Variants in RNF32 observed in about 807,000 individuals in gnomAD.
The protein encoded by RNF32 is ring finger protein 32.
In RNF32, 36 loss-of-function variants were observed where a neutral mutation model predicts 41.0. The ratio of observed to expected loss-of-function variants is 0.88; its 90% CI spans 0.67 to 1.16. The LOEUF is 1.16. RNF32 is among the 50% of genes most tolerant of loss of function. The probability of loss-of-function intolerance (pLI) is 0.00; values close to 1 mark genes in which losing one functional copy is unlikely to be tolerated. For synonymous variants in RNF32, 154 were observed against 160.9 expected (o/e 0.96, Z 0.32); for missense variants, 413 against 436.7 (o/e 0.95, Z 0.48).
At chr7:156,648,302 C>T (rs987504876) in intron 3 of RNF32, among the ~76,000 whole-genome samples, 2 of 152,090 alleles carry the variant, frequency 1.3e-5, no homozygotes, top group Non-Finnish European at 2.9e-5. Context: ...TCCACAGCGA[C>T]GCCAGGGGAG....
intron 7 of RNF32, chr7:156,659,265 AG>A: frequency 9.7e-7 from 1 of 1,030,988 alleles, no homozygotes; most frequent in South Asian, 4.4e-5. Context: ...ATAATGGCCC[AG>A]CACACAGTAG....
intron 3 of RNF32, 82 bp downstream of exon 3, chr7:156,644,839 A>G: frequency 2.2e-6 from 3 of 1,367,912 alleles, no homozygotes; most frequent in South Asian, 1.3e-5. Flanking sequence ...TTTTTATGTT[A>G]CAGAAATAAC....
intron 7 of RNF32, among the ~76,000 whole-genome samples, chr7:156,673,165 C>G (rs1171485526): frequency 6.6e-6 from 1 of 152,164 alleles, no homozygotes; most frequent in Non-Finnish European, 1.5e-5. Flanking sequence ...TCAGAACATA[C>G]CTCACAAGTT....
chr7:156,658,019 C>T (rs1799992726), intron 5 of RNF32, 109 bp from the exon 6 acceptor site: 1 of 1,168,832 alleles, frequency 8.6e-7, no homozygotes, highest in Non-Finnish European at 1.2e-6. Context: ...GGCTAAGTCT[C>T]ATAGTTATGG....
intron 7 of RNF32, among the ~76,000 whole-genome samples, chr7:156,674,053 CCTT>C (rs1446150019): frequency 4.6e-5 from 7 of 152,268 alleles, no homozygotes; most frequent in Admixed American, 2.6e-4. Context: ...TTCATTTCAT[CCTT>C]CTTTGTGCTT....
At chr7:156,663,692 T>C (rs1800956276) in intron 7 of RNF32, among the ~76,000 whole-genome samples, 1 of 152,158 alleles carries the variant, frequency 6.6e-6, no homozygotes, top group Admixed American at 6.6e-5. Flanking sequence ...TCAAAATATA[T>C]AAATTTGGCA....
At chr7:156,653,793 T>C (rs981813844) in intron 3 of RNF32, among the ~76,000 whole-genome samples, 7 of 152,208 alleles carry the variant, frequency 4.6e-5, no homozygotes, top group African/African-American at 1.7e-4. Context: ...AACTTTATTC[T>C]GACCGTGATG....
intron 3 of RNF32, chr7:156,646,463 C>T (rs1797985295): frequency 7.7e-7 from 1 of 1,302,822 alleles, no homozygotes; most frequent in Non-Finnish European, 1.0e-6. Context: ...GGATACCATT[C>T]ATAGGATGTA....
intron 7 of RNF32, among the ~76,000 whole-genome samples, chr7:156,668,474 C>G (rs369888684): frequency 6.6e-6 from 1 of 152,142 alleles, no homozygotes; most frequent in Non-Finnish European, 1.5e-5. Flanking sequence ...TGAGGGGAGG[C>G]GGGTGGAGCC....
At chr7:156,644,415 G>C (rs1389344871) in intron 2 of RNF32, 84 bp from the exon 3 acceptor site, 1 of 1,038,192 alleles carries the variant, frequency 9.6e-7, no homozygotes, top group Non-Finnish European at 1.5e-6. Flanking sequence ...GTGCCATCAA[G>C]GTTGAGTATT....
Position 156,654,592 on chromosome 7 carries a change from C to T in RNF32, c.291C>T (p.Leu97=), listed in dbSNP as rs762351321. The change falls in exon 4 of 9, where the codon CTC becomes CTT. Residue 97 remains leucine, a synonymous_variant. Coordinates refer to ENST00000317955, the MANE Select transcript of RNF32 (RefSeq NM_030936.4). ...PPLTLAQKLG[L]IGPPPPPLSS... ...TTACTTTAGCACAGAAGTTGGGCCT[C>T]ATTGGGCCTCCACCACCTCCACTGT... is the stretch of plus-strand genomic sequence containing the variant. 15 of 1,613,960 alleles carry T rather than the reference C, an allele frequency of 9.3e-6. No individual in the cohort carries two copies. The African/African-American group carries it at 1.5e-4, about 16-fold the overall frequency.
At chr7:156,641,728 T>G (rs1797351143) in intron 1 of RNF32, among the ~76,000 whole-genome samples, 2 of 152,236 alleles carry the variant, frequency 1.3e-5, no homozygotes, top group South Asian at 2.1e-4. Context: ...TTTAGTGTGA[T>G]GCAAACTGTA....
intron 4 of RNF32, among the ~76,000 whole-genome samples, chr7:156,657,200 A>T (rs1799814624): frequency 6.6e-6 from 1 of 152,194 alleles, no homozygotes; most frequent in Non-Finnish European, 1.5e-5. Flanking sequence ...GCCCCACTGG[A>T]CAGGCCCCCC....
In RNF32 at chr7:156,654,638, G is replaced by A. The variant is rs890063383; in HGVS notation, c.337G>A (p.Val113Met). 1 of 1,614,180 alleles carries A rather than the reference G, an allele frequency of 6.2e-7. No homozygotes were observed. The highest frequency in any genetic ancestry group is 8.5e-7 in the Non-Finnish European group (1 of 1,180,006). The change falls in exon 4 of 9, where the codon GTG (valine) becomes ATG (methionine). Residue 113 changes from valine (V) to methionine (M), a missense_variant. By Grantham distance (21) the Val-to-Met change is conservative (BLOSUM62 1). Transcript: ENST00000317955. Reference sequence around the variant, plus strand: ...ACTGTCATCAGATGAATGGGAGAAGGTGAAACAGCGCTCTCTCCTGCAAGG... The same window carrying A: ...ACTGTCATCAGATGAATGGGAGAAGATGAAACAGCGCTCTCTCCTGCAAGG... ...PPLSSDEWEK[V>M]KQRSLLQGDS...
chr7:156,653,162 AG>A (rs1169778322), intron 3 of RNF32, among the ~76,000 whole-genome samples: 1 of 152,128 alleles, frequency 6.6e-6, no homozygotes, highest in Non-Finnish European at 1.5e-5. Flanking sequence ...TGCCCTACAC[AG>A]GTACACCATT....
chr7:156,645,323 G>A (rs1213634479), intron 3 of RNF32, among the ~76,000 whole-genome samples: 3 of 152,190 alleles, frequency 2.0e-5, no homozygotes, highest in Non-Finnish European at 2.9e-5. Flanking sequence ...CAGCAGTAAC[G>A]CACGGGCCAG....
rs910404758 is a variant in RNF32 at position 156,658,638 on chromosome 7, G to C, written c.684+68G>C. On this transcript the variant is annotated intron_variant, in intron 7 of 8. Transcript: ENST00000317955. Reference sequence around the variant, plus strand: ...GGGTGGTTCACTTGGGGTCAGGAAGGCTAACAGAGGTGGTAAAACTTTGAG... The same window carrying C: ...GGGTGGTTCACTTGGGGTCAGGAAGCCTAACAGAGGTGGTAAAACTTTGAG... 3.9e-6 allele frequency: 4 copies of C among 1,018,940 alleles called. No homozygotes were observed. The African/African-American group carries it at 6.4e-5, about 16-fold the overall frequency. The allele number at this position is 1,018,940 out of a possible 1,614,324, so 63.1% of individuals were successfully genotyped here.
intron 3 of RNF32, among the ~76,000 whole-genome samples, chr7:156,651,589 T>C (rs1169194713): frequency 6.6e-6 from 1 of 152,236 alleles, no homozygotes; most frequent in African/African-American, 2.4e-5. Flanking sequence ...CTCTTCTTAC[T>C]GCAGAAGATC....
chr7:156,676,605 G>A lies in RNF32; in HGVS notation c.1039G>A (p.Ala347Thr). Reference sequence around the variant, plus strand: ...CGTGGGAGACAGGCCTCCTTTCCATGCCTGTCCTCTCTGCCGCTCCTGCTA... The same window carrying A: ...CGTGGGAGACAGGCCTCCTTTCCATACCTGTCCTCTCTGCCGCTCCTGCTA... ...FSVGDRPPFH[A>T]CPLCRSCYQK... The change falls in exon 9 of 9, where the codon GCC becomes ACC. Residue 347 changes from alanine to threonine, a missense_variant. Transcript: ENST00000317955. The A allele has an allele frequency of 6.2e-7, 1 of 1,614,206 alleles. No individual in the cohort carries two copies. Among genetic ancestry groups the A allele is most frequent in the Non-Finnish European group, 8.5e-7 (1 of 1,180,040 alleles).
Sources: allele counts gnomAD v4.1 joint callset (sites outside exome capture counted in the v4.1 genomes callset), GRCh38; gene constraint gnomAD v4.1.1; transcripts MANE v1.5; gene names NCBI Gene and HGNC (gene_info 2026-07-23, HGNC 2026-07-21).